Variants in KCND2 observed in about 807,000 individuals in gnomAD.
KCND2 encodes the protein A-type voltage-gated potassium channel KCND2.
A neutral mutation model predicts 54.4 loss-of-function variants in KCND2; 16 were observed. The ratio of observed to expected loss-of-function variants is 0.29; its 90% confidence interval spans 0.20 to 0.45. The LOEUF is 0.45. KCND2 is among the 20% of genes least tolerant of loss of function. The pLI, the probability that KCND2 is intolerant of heterozygous loss-of-function variation, is 1.00. For synonymous variants in KCND2, 317 were observed against 310.7 expected (o/e 1.02, Z -0.21); for missense variants, 486 against 824.2 (o/e 0.59, Z 5.02).
chr7:120,714,580 T>C (rs1161936782), intron 1 of KCND2, among the ~76,000 whole-genome samples: 1 of 152,124 alleles, frequency 6.6e-6, no homozygotes, highest in Admixed American at 6.6e-5. Flanking sequence ...TTCTATGTCA[T>C]ATTCTTTGCT....
intron 1 of KCND2, among the ~76,000 whole-genome samples, chr7:120,684,560 A>T (rs1792177732): frequency 6.6e-6 from 1 of 152,150 alleles, no homozygotes; most frequent in African/African-American, 2.4e-5. Context: ...CTAGGTAGTT[A>T]CTTTGAGTAG....
chr7:120,662,071 AG>A (rs1488156929), intron 1 of KCND2, among the ~76,000 whole-genome samples: 2 of 152,166 alleles, frequency 1.3e-5, no homozygotes, highest in African/African-American at 4.8e-5. Context: ...TTTCCTTATG[AG>A]GGCACCCATG....
chr7:120,400,217 A>T (rs1484229128), intron 1 of KCND2, among the ~76,000 whole-genome samples: 1 of 152,202 alleles, frequency 6.6e-6, no homozygotes, highest in Non-Finnish European at 1.5e-5. Flanking sequence ...AACAATTTGT[A>T]TATTAACACA....
intron 1 of KCND2, among the ~76,000 whole-genome samples, chr7:120,360,699 A>G (rs1477156461): frequency 6.6e-6 from 1 of 152,054 alleles, no homozygotes; most frequent in African/African-American, 2.4e-5. Flanking sequence ...ACTTTTAAAC[A>G]TATTTTCACT....
chr7:120,395,360 T>C (rs1386514553), intron 1 of KCND2, among the ~76,000 whole-genome samples: 1 of 152,104 alleles, frequency 6.6e-6, no homozygotes, highest in Admixed American at 6.6e-5. Flanking sequence ...TATTTCATTT[T>C]CAAGGTAGGA....
chr7:120,452,930 G>C (rs1802138323), intron 1 of KCND2, among the ~76,000 whole-genome samples: 1 of 152,124 alleles, frequency 6.6e-6, no homozygotes, highest in Non-Finnish European at 1.5e-5. Context: ...GGCCTCTCCT[G>C]GGGCCCCAAC....
intron 1 of KCND2, among the ~76,000 whole-genome samples, chr7:120,356,662 G>A (rs1377579628): frequency 6.6e-6 from 1 of 152,018 alleles, no homozygotes; most frequent in Non-Finnish European, 1.5e-5. Context: ...TAGTAAAATG[G>A]GAGCATGAAA....
chr7:120,290,535 T>C (rs1437741399), intron 1 of KCND2, among the ~76,000 whole-genome samples: 2 of 152,010 alleles, frequency 1.3e-5, no homozygotes. Flanking sequence ...ACCATTCTTA[T>C]GAATTTCAAA....
chr7:120,322,786 T>C (rs1799909231), intron 1 of KCND2, among the ~76,000 whole-genome samples: 1 of 152,140 alleles, frequency 6.6e-6, no homozygotes. Flanking sequence ...TCAGTAACTT[T>C]GTCTTTTGAT....
At chr7:120,422,715 C>T (rs1455087390) in intron 1 of KCND2, among the ~76,000 whole-genome samples, 1 of 152,212 alleles carries the variant, frequency 6.6e-6, no homozygotes, top group African/African-American at 2.4e-5. Context: ...TTCTCACCCA[C>T]AGCCCAGGCA....
chr7:120,452,964 T>C (rs1057337145), intron 1 of KCND2, among the ~76,000 whole-genome samples: 2 of 152,164 alleles, frequency 1.3e-5, no homozygotes. Context: ...CTAGGCAGCA[T>C]GGCCTCAGAT....
intron 1 of KCND2, among the ~76,000 whole-genome samples, chr7:120,318,692 G>A (rs1457406213): frequency 2.0e-5 from 3 of 152,010 alleles, no homozygotes; most frequent in Non-Finnish European, 4.4e-5. Context: ...TAGTGCTTCA[G>A]GATTAACTTC....
chr7:120,704,984 T>C (rs570561390), intron 1 of KCND2, among the ~76,000 whole-genome samples: 22 of 152,290 alleles, frequency 1.4e-4, no homozygotes, highest in Middle Eastern at 3.4e-3. Context: ...AAACCCTTTT[T>C]AAAAAGAATT....
At chr7:120,385,462 G>C (rs1289787193) in intron 1 of KCND2, among the ~76,000 whole-genome samples, 1 of 152,030 alleles carries the variant, frequency 6.6e-6, no homozygotes, top group African/African-American at 2.4e-5. Flanking sequence ...AATCATCCAA[G>C]TCATCACCAA....
intron 1 of KCND2, among the ~76,000 whole-genome samples, chr7:120,525,829 C>T (rs1490549103): frequency 6.6e-6 from 1 of 152,140 alleles, no homozygotes; most frequent in African/African-American, 2.4e-5. Context: ...ACTGAGACTT[C>T]TTATGTTTGT....
At chr7:120,556,722 G>A (rs1267969889) in intron 1 of KCND2, among the ~76,000 whole-genome samples, 2 of 151,974 alleles carry the variant, frequency 1.3e-5, no homozygotes, top group Non-Finnish European at 2.9e-5. Context: ...TTTGCACAGA[G>A]AAACAGTATT....
At chr7:120,508,387 A>G (rs1803060584) in intron 1 of KCND2, among the ~76,000 whole-genome samples, 2 of 152,026 alleles carry the variant, frequency 1.3e-5, no homozygotes, top group South Asian at 4.1e-4. Flanking sequence ...TATTTTTTGT[A>G]GCATCCCAGA....
chr7:120,562,544 G>C (rs923142999), intron 1 of KCND2, among the ~76,000 whole-genome samples: 1 of 151,980 alleles, frequency 6.6e-6, no homozygotes, highest in Non-Finnish European at 1.5e-5. Context: ...AAAAATAAGA[G>C]TGAAGGGAAG....
chr7:120,378,082 A>G (rs1800861181), intron 1 of KCND2, among the ~76,000 whole-genome samples: 1 of 151,968 alleles, frequency 6.6e-6, no homozygotes, highest in Non-Finnish European at 1.5e-5. Context: ...CACAGGAAAC[A>G]CTTAAGCCTA....
Sources: allele counts gnomAD v4.1 joint callset (sites outside exome capture counted in the v4.1 genomes callset), GRCh38; gene constraint gnomAD v4.1.1; transcripts MANE v1.5; gene names NCBI Gene and HGNC (gene_info 2026-07-23, HGNC 2026-07-21).